Variants in GRM5 observed in about 807,000 individuals in gnomAD.
GRM5 encodes the protein glutamate metabotropic receptor 5.
Under a neutral mutation model 83.1 loss-of-function variants are expected in GRM5, and 19 were observed. The ratio of observed to expected loss-of-function variants is 0.23; its 90% CI spans 0.16 to 0.34. The LOEUF (loss-of-function observed/expected upper bound fraction) is 0.34, where lower values mean the gene tolerates loss of function less well. Ranked by LOEUF, GRM5 falls within the 10% of genes least tolerant of loss-of-function variation. The pLI, the probability that GRM5 is intolerant of heterozygous loss-of-function variation, is 1.00. For missense variants in GRM5, 1,160 were observed against 1,588.3 expected (o/e 0.73, Z 4.58); for synonymous variants, 675 against 633.6 (o/e 1.07, Z -0.98).
In GRM5 at chr11:88,590,594, A is replaced by T. The variant is rs1322553804; in HGVS notation, c.1690+7T>A. 6.2e-7 allele frequency: 1 copy of T among 1,610,808 alleles called. No homozygotes were observed. The highest frequency in any genetic ancestry group is 2.2e-5 in the East Asian group (1 of 44,840). ...AATTTATATGTGGTGAGATTGTGAT[A>T]GATTACCTGTGAGATCATCAGTGGG... On this transcript the variant is annotated splice_region_variant and intron_variant, in intron 7 of 9. Transcript: ENST00000305447.
intron 8 of GRM5, among the ~76,000 whole-genome samples, chr11:88,556,381 G>A (rs1322130849): frequency 6.7e-6 from 1 of 148,376 alleles, no homozygotes; most frequent in Non-Finnish European, 1.5e-5. Context: ...GGAGTGCAAT[G>A]GCGCAATCTT....
chr11:88,928,944 A>ACACACACACACT (rs1565296638), intron 2 of GRM5, among the ~76,000 whole-genome samples: 18 of 150,970 alleles, frequency 1.2e-4, no homozygotes, highest in African/African-American at 4.4e-4. Context: ...ACACACACAC[A>ACACACACACACT]CTCAAGAGTT....
In GRM5 at chr11:88,761,965, A is replaced by T. The variant is rs143616952; in HGVS notation, c.911+87941T>A. Among the ~76,000 whole-genome samples the T allele has an allele frequency of 5.9e-3, 903 of 152,210 alleles. 9 individuals carry two copies. Among genetic ancestry groups the T allele is most frequent in the African/African-American group, 0.021 (862 of 41,548 alleles). On this transcript the variant is annotated intron_variant, in intron 3 of 9. Coordinates refer to ENST00000305447, the MANE Select transcript of GRM5 (RefSeq NM_001143831.3). The stretch of plus-strand genomic sequence containing the variant: ...GGAGAAAGGACCCTCTATTCAATGA[A>T]TGGTACTGGGATAGCTGGCTAGCCA...
intron 3 of GRM5, among the ~76,000 whole-genome samples, chr11:88,776,386 T>C (rs1214063633): frequency 6.6e-6 from 1 of 152,098 alleles, no homozygotes; most frequent in African/African-American, 2.4e-5. Flanking sequence ...GTCTTGACTC[T>C]ATCCAATTTG....
intron 2 of GRM5, among the ~76,000 whole-genome samples, chr11:88,977,462 C>T (rs573665965): frequency 1.6e-4 from 25 of 152,054 alleles, no homozygotes; most frequent in South Asian, 8.3e-4. Flanking sequence ...CCGCCCACCT[C>T]GGCCTCCCAA....
At chr11:88,664,052 A>G (rs183992035) in intron 3 of GRM5, among the ~76,000 whole-genome samples, 369 of 152,298 alleles carry the variant, frequency 2.4e-3, no homozygotes, top group African/African-American at 7.2e-3. Context: ...GTAAAATCTA[A>G]CAAGTAACAT....
rs989136812 is a variant in GRM5, at chr11:88,992,972, AACCTGC to A, written c.661+54234_661+54239del. On this transcript the variant is annotated intron_variant, in intron 2 of 9. Coordinates refer to ENST00000305447, the MANE Select transcript of GRM5 (RefSeq NM_001143831.3). ...ATGGCACATGTATACATATGTAACA[AACCTGC>A]ACGTTGTGCACATGTACCCTAGAAC... 4.1e-4 allele frequency among the ~76,000 whole-genome samples: 63 copies of A among 152,214 alleles called. No homozygotes were observed. The Middle Eastern group carries it at 0.014, about 33-fold the overall frequency.
chr11:88,941,857 T>C (rs190116939), intron 2 of GRM5, among the ~76,000 whole-genome samples: 119 of 152,088 alleles, frequency 7.8e-4, no homozygotes, highest in African/African-American at 2.7e-3. Context: ...AAATCTTAGG[T>C]GTAAGTTTAT....
intron 8 of GRM5, among the ~76,000 whole-genome samples, chr11:88,539,132 G>T (rs1344009472): frequency 6.6e-6 from 1 of 152,202 alleles, no homozygotes; most frequent in Non-Finnish European, 1.5e-5. Flanking sequence ...TCAGTCTGGG[G>T]ACTGATGGAG....
intron 3 of GRM5, among the ~76,000 whole-genome samples, chr11:88,794,889 C>CA (rs1010855867): frequency 2.0e-5 from 3 of 152,050 alleles, no homozygotes; most frequent in African/African-American, 7.2e-5. Context: ...CCAGTTAGTG[C>CA]AAAAAAATAG....
intron 3 of GRM5, among the ~76,000 whole-genome samples, chr11:88,783,454 AAAT>A (rs1290927116): frequency 6.6e-6 from 1 of 152,138 alleles, no homozygotes; most frequent in Non-Finnish European, 1.5e-5. Context: ...AAAAAGAAAC[AAAT>A]AATAATGCAG....
intron 2 of GRM5, among the ~76,000 whole-genome samples, chr11:88,856,320 T>A (rs1182489284): frequency 6.6e-6 from 1 of 152,084 alleles, no homozygotes; most frequent in East Asian, 1.9e-4. Flanking sequence ...CTTTTTAAAC[T>A]TTTTTCTTAA....
intron 2 of GRM5, among the ~76,000 whole-genome samples, chr11:88,962,968 A>G (rs1938829025): frequency 6.6e-6 from 1 of 152,232 alleles, no homozygotes; most frequent in Admixed American, 6.5e-5. Context: ...ACACGCCTGT[A>G]GTCCCAACTA....
chr11:89,059,381 C>A (rs1941942301), intron 1 of GRM5, among the ~76,000 whole-genome samples: 1 of 151,988 alleles, frequency 6.6e-6, no homozygotes, highest in African/African-American at 2.4e-5. Flanking sequence ...TTAAAATATT[C>A]TTGAATATAT....
intron 3 of GRM5, among the ~76,000 whole-genome samples, chr11:88,678,515 C>T (rs969921691): frequency 2.6e-5 from 4 of 152,116 alleles, no homozygotes; most frequent in African/African-American, 4.8e-5. Flanking sequence ...CATACTTTCT[C>T]CTCCATAATT....
At position 88,602,675 on chromosome 11, in the gene GRM5, A is replaced by ATGTT. The variant is rs140675102; in HGVS notation, c.1394+2039_1394+2042dup. ...TGATTAATTGTCAGGCTGTTGTATAATGTTAGAAGTTGAAGCCCAGGAGAC... is the reference window on the plus strand; with the variant it reads ...TGATTAATTGTCAGGCTGTTGTATAATGTTTGTTAGAAGTTGAAGCCCAGGAGAC... On this transcript the variant is annotated intron_variant, in intron 5 of 9. Coordinates refer to ENST00000305447, the MANE Select transcript of GRM5 (RefSeq NM_001143831.3). 2.8e-3 allele frequency among the ~76,000 whole-genome samples: 425 copies of ATGTT among 152,334 alleles called. 1 individual carries two copies. Among genetic ancestry groups the ATGTT allele is most frequent in the African/African-American group, 9.6e-3 (399 of 41,576 alleles).
Position 88,564,855 on chromosome 11 carries a change from G to A in GRM5, c.2630+2198C>T, listed in dbSNP as rs549599613. 4.0e-5 allele frequency among the ~76,000 whole-genome samples: 6 copies of A among 151,116 alleles called. No individual in the cohort carries two copies. The South Asian group carries it at 6.2e-4, about 16-fold the overall frequency. On this transcript the variant is annotated intron_variant, in intron 8 of 9. Transcript: ENST00000305447. ...CAAAGAGCTGGACAACATGAAGATC[G>A]AGATGCCCTGTAAAACTCAGATTGT...
chr11:88,604,620 A>G, intron 5 of GRM5, 98 bp downstream of exon 5: 1 of 988,038 alleles, frequency 1.0e-6, no homozygotes, highest in Admixed American at 2.1e-5. Flanking sequence ...TTACCAGGAA[A>G]CCTAGATTAA....
At chr11:88,692,137 T>C (rs1320313078) in intron 3 of GRM5, among the ~76,000 whole-genome samples, 1 of 152,232 alleles carries the variant, frequency 6.6e-6, no homozygotes, top group African/African-American at 2.4e-5. Context: ...CTTTATGAGA[T>C]TGTTCTAGAC....
Sources: allele counts gnomAD v4.1 joint callset (sites outside exome capture counted in the v4.1 genomes callset), GRCh38; gene constraint gnomAD v4.1.1; transcripts MANE v1.5; gene names NCBI Gene and HGNC (gene_info 2026-07-23, HGNC 2026-07-21).